The following MYCBP2 variants were observed in gnomAD, a reference collection of about 807,000 sequenced individuals.
MYCBP2 encodes the protein MYC binding protein 2, also known as E3 ubiquitin-protein ligase MYCBP2.
Under a neutral mutation model 525.3 loss-of-function variants are expected in MYCBP2, and 120 were observed. The ratio of observed to expected loss-of-function variants is 0.23; its 90% CI spans 0.20 to 0.27. MYCBP2 has a LOEUF of 0.27. MYCBP2 is among the 10% of genes least tolerant of loss of function. The probability of loss-of-function intolerance (pLI) is 1.00; values close to 1 mark genes in which losing one functional copy is unlikely to be tolerated. For synonymous variants in MYCBP2, 1,894 were observed against 1,955.8 expected, an observed-to-expected ratio of 0.97 and a Z score of 0.83; for missense variants, 4,149 against 5,657.1, an observed-to-expected ratio of 0.73 and a Z score of 8.55.
rs562309948 is a variant in MYCBP2 at position 77,171,060 on chromosome 13, C to T, written c.5794+432G>A. 7.9e-5 allele frequency among the ~76,000 whole-genome samples: 12 copies of T among 152,236 alleles called. No individual in the cohort carries two copies. The South Asian group carries it at 2.5e-3, about 32-fold the overall frequency. Reference sequence around the variant, plus strand: ...AGAAGAAGTGAAAGAGAGGAGAATACAAACTAGAGAGATTCCAATGGAAAA... The same window carrying T: ...AGAAGAAGTGAAAGAGAGGAGAATATAAACTAGAGAGATTCCAATGGAAAA... On this transcript the variant is annotated intron_variant, in intron 38 of 82. Coordinates refer to ENST00000544440, the MANE Select transcript of MYCBP2 (RefSeq NM_015057.5).
rs139104264 is a variant in MYCBP2, at chr13:77,098,906, G to A, written c.8248C>T (p.Arg2750Trp). The change falls in exon 56 of 83, where the codon CGG becomes TGG. Residue 2750 changes from arginine (R) to tryptophan (W), a missense_variant. Coordinates refer to ENST00000544440, the MANE Select transcript of MYCBP2 (RefSeq NM_015057.5). ...RSLKPDGRMS[R>W]TTADQKKPRG... ...GGCTTCTTCTGATCAGCAGTAGTCC[G>A]GCTCATACGTCCATCAGGTTTAAGC... 100 of 1,613,560 alleles carry A rather than the reference G, an allele frequency of 6.2e-5. No individual in the cohort carries two copies. The African/African-American group carries it at 1.0e-3, about 17-fold the overall frequency.
In MYCBP2 at chr13:77,211,337, TTATA is replaced by T; in HGVS notation, c.3263-21_3263-18del. ...GTACCAAGCCTTAAGAAAAAAATAT[TTATA>T]TATAATTTTAATATATATTACCCTT... On this transcript the variant is annotated intron_variant, in intron 22 of 82. Transcript: ENST00000544440. 1 of 1,240,496 alleles carries T rather than the reference TTATA, an allele frequency of 8.1e-7. No homozygotes were observed. The allele number at this position is 1,240,496 out of a possible 1,614,324, so 76.8% of individuals were successfully genotyped here.
At chr13:77,074,006 C>A (rs1278855634) in intron 68 of MYCBP2, among the ~76,000 whole-genome samples, 1 of 139,796 alleles carries the variant, frequency 7.2e-6, no homozygotes, top group Non-Finnish European at 1.6e-5. Context: ...CCCACCGCCC[C>A]CCCCCCTTTT....
intron 24 of MYCBP2, 91 bp from the exon 25 acceptor site, chr13:77,205,689 A>G: frequency 9.2e-7 from 1 of 1,088,004 alleles, no homozygotes; most frequent in Non-Finnish European, 1.3e-6. Flanking sequence ...ATAAATTAAA[A>G]TAAATAAACT....
chr13:77,195,763 C>A (rs2061696186), intron 26 of MYCBP2, among the ~76,000 whole-genome samples: 1 of 152,150 alleles, frequency 6.6e-6, no homozygotes, highest in Non-Finnish European at 1.5e-5. Context: ...AACCCATATT[C>A]CACAAAGTTG....
At chr13:77,077,595 A>C in intron 66 of MYCBP2, 1 of 549,298 alleles carries the variant, frequency 1.8e-6, no homozygotes, top group South Asian at 2.8e-5. Context: ...TGAAGAAACT[A>C]AGGTTAATAC....
intron 1 of MYCBP2, among the ~76,000 whole-genome samples, chr13:77,303,399 T>C (rs1468721004): frequency 6.6e-6 from 1 of 151,950 alleles, no homozygotes; most frequent in African/African-American, 2.4e-5. Context: ...CAGAAACATA[T>C]CCAACAACAA....
chr13:77,133,164 G>A (rs1044262090), intron 52 of MYCBP2, among the ~76,000 whole-genome samples: 2 of 152,010 alleles, frequency 1.3e-5, no homozygotes, highest in Non-Finnish European at 2.9e-5. Context: ...CATGGGCTTT[G>A]GAATCATATC....
At chr13:77,127,404 T>G (rs1284231660) in intron 52 of MYCBP2, among the ~76,000 whole-genome samples, 2 of 151,912 alleles carry the variant, frequency 1.3e-5, no homozygotes, top group African/African-American at 4.8e-5. Flanking sequence ...ATAATAACCT[T>G]TCCATATTTT....
At chr13:77,193,122 C>G (rs2061442467) in intron 27 of MYCBP2, among the ~76,000 whole-genome samples, 1 of 152,042 alleles carries the variant, frequency 6.6e-6, no homozygotes, top group Non-Finnish European at 1.5e-5. Context: ...GAGTGAGACT[C>G]TGTCTCAAAA....
chr13:77,191,572 A>T, intron 28 of MYCBP2, 107 bp downstream of exon 28: 1 of 1,293,478 alleles, frequency 7.7e-7, no homozygotes, highest in Non-Finnish European at 1.1e-6. Context: ...ATTATGCTCT[A>T]GTCTTCCTAA....
Position 77,217,907 on chromosome 13 carries a change from G to A in MYCBP2, c.2990C>T (p.Thr997Ile). ...TACTGCCGTATGGTTGCTGCCTGCAGTGACTTGTGTGCTAGGGCCTGGCAA... is the reference window on the plus strand; with the variant it reads ...TACTGCCGTATGGTTGCTGCCTGCAATGACTTGTGTGCTAGGGCCTGGCAA... ...QALPGPSTQV[T>I]AGSNHTAVLL... The change falls in exon 21 of 83, where the codon ACT (threonine) becomes ATT (isoleucine). Residue 997 changes from threonine to isoleucine, a missense_variant. By Grantham distance (89) the Thr-to-Ile change is moderately conservative (BLOSUM62 -1). Transcript: ENST00000544440. 6.2e-7 allele frequency: 1 copy of A among 1,612,184 alleles called. No individual in the cohort carries two copies. The highest frequency in any genetic ancestry group is 2.2e-5 in the East Asian group (1 of 44,766).
At chr13:77,085,159 C>T (rs2044016771) in intron 62 of MYCBP2, among the ~76,000 whole-genome samples, 2 of 152,046 alleles carry the variant, frequency 1.3e-5, no homozygotes, top group African/African-American at 4.8e-5. Context: ...CTATTATTGC[C>T]ATTCCATTTA....
intron 48 of MYCBP2, among the ~76,000 whole-genome samples, chr13:77,144,893 C>CA (rs2055272354): frequency 1.3e-5 from 2 of 152,120 alleles, no homozygotes; most frequent in African/African-American, 4.8e-5. Context: ...AGGAAGTGTC[C>CA]TGGATCTGAT....
intron 55 of MYCBP2, among the ~76,000 whole-genome samples, chr13:77,116,381 T>A (rs968803971): frequency 6.6e-6 from 1 of 151,940 alleles, no homozygotes; most frequent in Admixed American, 6.6e-5. Flanking sequence ...GAAGAATACC[T>A]TGCTTGGGGA....
chr13:77,154,832 A>T (rs1015502428), intron 46 of MYCBP2, among the ~76,000 whole-genome samples: 25 of 151,976 alleles, frequency 1.6e-4, no homozygotes, highest in African/African-American at 6.0e-4. Context: ...TTTTCTTATA[A>T]TTTGTGATGC....
In MYCBP2 at chr13:77,062,643, G is replaced by C; in HGVS notation, c.12727C>G (p.Leu4243Val). 6.2e-7 allele frequency: 1 copy of C among 1,614,210 alleles called. No individual in the cohort carries two copies. The highest frequency in any genetic ancestry group is 8.5e-7 in the Non-Finnish European group (1 of 1,180,026). ...CVLDQDHVDR[L>V]SSGRWMGKDG... ...TTTCCCATCCATCTCCCCGAGGAGA[G>C]ACGATCTACGTGGTCCTGATCAAGA... The change falls in exon 74 of 83, where the codon CTC (leucine) becomes GTC (valine). Residue 4243 changes from leucine (L) to valine (V), a missense_variant. By Grantham distance (32) the Leu-to-Val change is conservative. Around this residue, in one of 21 missense-constraint regions of MYCBP2, gnomAD observed 220 missense variants for 396.0 expected, o/e 0.56. Transcript: ENST00000544440.
Position 77,081,152 on chromosome 13 carries a change from A to G in MYCBP2, c.11418+275T>C. 3.1e-6 allele frequency: 1 copy of G among 325,882 alleles called. No individual in the cohort carries two copies. The highest frequency in any genetic ancestry group is 5.6e-6 in the Non-Finnish European group (1 of 179,610). 20.2% of individuals were successfully genotyped at this position (325,882 alleles called of 1,614,324 possible). A position where few individuals can be genotyped will look rare whatever the true frequency, so the allele number is the denominator to read the frequency against. On this transcript the variant is annotated intron_variant, in intron 65 of 82. Coordinates refer to ENST00000544440, the MANE Select transcript of MYCBP2 (RefSeq NM_015057.5). This position sits in a 1 kb window ranked among gnomAD's most constrained non-coding sequence, Gnocchi z 4.6. ...TCACGGGAAAATCTTAACCAAGGGA[A>G]TGGCAGCAGAAAATTGTAGAGCAGA...
chr13:77,209,750 C>T (rs1012964610), intron 23 of MYCBP2, among the ~76,000 whole-genome samples: 1 of 152,226 alleles, frequency 6.6e-6, no homozygotes, highest in Admixed American at 6.5e-5. Context: ...GGCCACTACG[C>T]CTTCTCATAA....
Sources: gnomAD v4.1 joint callset for allele counts (sites outside exome capture counted in the v4.1 genomes callset) on GRCh38, gnomAD v4.1.1 for gene constraint, gnomAD v4.1.1 regional missense constraint, Gnocchi (gnomAD v3.1) non-coding constraint, MANE v1.5 for transcripts, NCBI Gene and HGNC (gene_info 2026-07-23, HGNC 2026-07-21) for gene names.